Variants in USP9X observed in about 807,000 individuals in gnomAD.
The protein encoded by USP9X is ubiquitin specific peptidase 9 X-linked.
In USP9X, 7 loss-of-function variants were observed where a neutral mutation model predicts 190.3. That is an observed-to-expected ratio of 0.04 (90% CI 0.02 to 0.07). The LOEUF (loss-of-function observed/expected upper bound fraction) is 0.07. Among genes scored for constraint, USP9X ranks in the 10% least tolerant of loss-of-function variants. The pLI is 1.00. For missense variants in USP9X, 1,010 were observed against 1,916.9 expected, an observed-to-expected ratio of 0.53 and a Z score of 8.83; for synonymous variants, 645 against 659.5, an observed-to-expected ratio of 0.98 and a Z score of 0.34.
In USP9X at chrX:41,110,386, G is replaced by T. The variant is rs375125959; in HGVS notation, c.-158-13085G>T. Among the ~76,000 whole-genome samples the T allele has an allele frequency of 1.9e-4, 21 of 112,407 alleles. 1 individual carries two copies. The East Asian group carries it at 1.9e-3, about 10-fold the overall frequency. ...ATCCAATTTTGTAAAACATGTTTCTGCATCAAAAACTAAACAGTTTGTCTT... is the reference window on the plus strand; with the variant it reads ...ATCCAATTTTGTAAAACATGTTTCTTCATCAAAAACTAAACAGTTTGTCTT... On this transcript the variant is annotated intron_variant, in intron 1 of 44. Coordinates refer to ENST00000378308, the MANE Select transcript of USP9X (RefSeq NM_001039591.3).
At chrX:41,224,648 A>T (rs769108050) in intron 39 of USP9X, 94 bp from the exon 40 acceptor site, 1 of 841,682 alleles carries the variant, frequency 1.2e-6, no homozygotes, top group African/African-American at 2.1e-5. Flanking sequence ...AAAAAATAAA[A>T]AAAAATTATA....
chrX:41,207,079 CTTTTTTTTTTTTTTTT>C (rs34779889), intron 32 of USP9X, among the ~76,000 whole-genome samples: 1 of 30,497 alleles, frequency 3.3e-5, no homozygotes, highest in Admixed American at 5.6e-4. Flanking sequence ...GCTCCCTGGC[CTTTTTTTTTTTTTTTT>C]TTTTTTTTTT....
Position 41,123,661 on chromosome X carries a change from A to T in USP9X, c.33A>T (p.Gly11=). 5 of 1,211,653 alleles carry T rather than the reference A, an allele frequency of 4.1e-6. No homozygotes were observed. The highest frequency in any genetic ancestry group is 5.6e-6 in the Non-Finnish European group (5 of 895,421). ...CCACGACTCGTGGCTCTCCGGTCGG[A>T]GGGAATGACAACCAGGGCCAGGCTC... MTATTRGSPV[G]GNDNQGQAPD... is the part of the protein sequence containing the mutation. Residue 11 remains glycine, a synonymous_variant, in exon 2 of 45, where the codon GGA becomes GGT. Transcript: ENST00000378308.
chrX:41,123,253 C>CTA (rs2062205944), intron 1 of USP9X, among the ~76,000 whole-genome samples: 1 of 111,561 alleles, frequency 9.0e-6, no homozygotes, highest in Non-Finnish European at 1.9e-5. Context: ...TTCCAGGAGG[C>CTA]TATATTTGTT....
chrX:41,170,685 A>G (rs2062717732), intron 20 of USP9X, 66 bp downstream of exon 20: 1 of 1,044,041 alleles, frequency 9.6e-7, no homozygotes, highest in Non-Finnish European at 1.3e-6. Flanking sequence ...AGAATAAAGT[A>G]TATAGAGTGG....
intron 44 of USP9X, among the ~76,000 whole-genome samples, chrX:41,232,073 TG>T (rs1484753818): frequency 8.9e-6 from 1 of 111,988 alleles, no homozygotes; most frequent in Non-Finnish European, 1.9e-5. Flanking sequence ...AGAGCAACAG[TG>T]GGTTAATCCT....
intron 24 of USP9X, among the ~76,000 whole-genome samples, chrX:41,187,150 G>A (rs961713094): frequency 1.8e-5 from 2 of 112,300 alleles, no homozygotes; most frequent in Admixed American, 1.9e-4. Context: ...GGTGAATTTT[G>A]ACATATATGT....
intron 14 of USP9X, among the ~76,000 whole-genome samples, chrX:41,161,918 A>C (rs781045041): frequency 9.1e-6 from 1 of 110,204 alleles, no homozygotes; most frequent in Non-Finnish European, 1.9e-5. Flanking sequence ...AACCTCTTGA[A>C]GTAGTCCTTT....
At chrX:41,153,432 TCTTA>T (rs1448584652) in intron 14 of USP9X, among the ~76,000 whole-genome samples, 3 of 112,347 alleles carry the variant, frequency 2.7e-5, no homozygotes, top group African/African-American at 6.5e-5. Context: ...CTAAGTCTGT[TCTTA>T]CTTTATAGTT....
chrX:41,206,578 T>A (rs7059287), intron 32 of USP9X, among the ~76,000 whole-genome samples: 14,535 of 110,154 alleles, frequency 0.13, 897 homozygotes, highest in East Asian at 0.21. Context: ...CTGTTTTTCT[T>A]GGTCACCTGC....
chrX:41,128,576 A>G, intron 2 of USP9X, among the ~76,000 whole-genome samples: 1 of 111,952 alleles, frequency 8.9e-6, no homozygotes, highest in Middle Eastern at 4.6e-3. Context: ...GTATTCATGG[A>G]GGATTGGTTC....
At chrX:41,110,924 A>ATT (rs2062104272) in intron 1 of USP9X, among the ~76,000 whole-genome samples, 1 of 111,709 alleles carries the variant, frequency 9.0e-6, no homozygotes, top group African/African-American at 3.3e-5. Context: ...ATGCTGTTAA[A>ATT]ATAGGAGTCT....
At chrX:41,142,045 G>C (rs2062427372) in intron 9 of USP9X, among the ~76,000 whole-genome samples, 1 of 111,401 alleles carries the variant, frequency 9.0e-6, no homozygotes, top group Non-Finnish European at 1.9e-5. Context: ...ACATCTGTAG[G>C]AGAACTGTCC....
intron 21 of USP9X, among the ~76,000 whole-genome samples, chrX:41,172,927 T>G (rs1405475206): frequency 8.9e-6 from 1 of 111,866 alleles, no homozygotes; most frequent in Non-Finnish European, 1.9e-5. Context: ...GGTTTTATCC[T>G]TACGTTTTGA....
chrX:41,195,895 G>T (rs756735830), intron 26 of USP9X: 13 of 346,795 alleles, frequency 3.7e-5, no homozygotes, highest in Non-Finnish European at 5.5e-5. Context: ...CAGAACCACA[G>T]TTGAATAAAA....
intron 1 of USP9X, among the ~76,000 whole-genome samples, chrX:41,120,313 C>T (rs765988581): frequency 8.9e-6 from 1 of 112,019 alleles, no homozygotes; most frequent in East Asian, 2.8e-4. Context: ...GATACTAGTT[C>T]CTACTGTATA....
At chrX:41,223,823 T>C (rs779856798) in intron 39 of USP9X, among the ~76,000 whole-genome samples, 2 of 111,887 alleles carry the variant, frequency 1.8e-5, no homozygotes, top group African/African-American at 3.3e-5. Context: ...ATTTTAGCCC[T>C]GTACCTTTTT....
chrX:41,175,240 GT>G (rs1799360626), intron 21 of USP9X, among the ~76,000 whole-genome samples: 1 of 111,697 alleles, frequency 9.0e-6, no homozygotes, highest in South Asian at 3.7e-4. Context: ...TTAAGATTAG[GT>G]CAAGTGTAGT....
chrX:41,111,664 C>A (rs1306980379), intron 1 of USP9X, among the ~76,000 whole-genome samples: 1 of 110,648 alleles, frequency 9.0e-6, no homozygotes, highest in African/African-American at 3.3e-5. Context: ...CTGCTTTGTT[C>A]AGAGGCTCTC....
Sources: allele counts gnomAD v4.1 joint callset (sites outside exome capture counted in the v4.1 genomes callset), GRCh38; gene constraint gnomAD v4.1.1; transcripts MANE v1.5; gene names NCBI Gene and HGNC (gene_info 2026-07-23, HGNC 2026-07-21).